The following DTNA variants were observed in gnomAD, a reference collection of about 807,000 sequenced individuals.
DTNA encodes the protein dystrophin-related protein 3.
DTNA carries 43 observed loss-of-function variants against 100.7 expected under a neutral mutation model. That is an observed-to-expected ratio of 0.43 (90% CI 0.33 to 0.55). The LOEUF (loss-of-function observed/expected upper bound fraction) is 0.55, where lower values mean the gene tolerates loss of function less well. Among genes scored for constraint, DTNA ranks in the 20% least tolerant of loss-of-function variants. The probability of loss-of-function intolerance (pLI) is 0.04; values close to 1 mark genes in which losing one functional copy is unlikely to be tolerated. For synonymous variants in DTNA, 349 were observed against 347.9 expected (o/e 1.00, Z -0.04); for missense variants, 798 against 953.9 (o/e 0.84, Z 2.15).
chr18:34,866,075 G>T (rs1322652020), intron 17 of DTNA: 2 of 1,611,356 alleles, frequency 1.2e-6, no homozygotes, highest in Middle Eastern at 1.7e-4. Flanking sequence ...TGGAACCCTG[G>T]GTAATCTAAC....
At chr18:34,843,540 A>T (rs1374936255) in intron 13 of DTNA, among the ~76,000 whole-genome samples, 3 of 152,094 alleles carry the variant, frequency 2.0e-5, no homozygotes, top group Non-Finnish European at 4.4e-5. Context: ...TGACTTGCAG[A>T]TGGACACCTT....
At chr18:34,875,132 G>C in intron 17 of DTNA, 107 bp from the exon 18 acceptor site, 1 of 1,503,108 alleles carries the variant, frequency 6.7e-7, no homozygotes, top group Non-Finnish European at 9.1e-7. Flanking sequence ...ATTTCCTCCT[G>C]CTTTGAAATT....
At chr18:34,610,612 C>T (rs1179765270) in intron 1 of DTNA, among the ~76,000 whole-genome samples, 1 of 152,160 alleles carries the variant, frequency 6.6e-6, no homozygotes, top group African/African-American at 2.4e-5. Flanking sequence ...ACATAAGTAA[C>T]AGTGCACACT....
At chr18:34,564,300 G>C (rs534381209) in intron 1 of DTNA, among the ~76,000 whole-genome samples, 2 of 152,050 alleles carry the variant, frequency 1.3e-5, no homozygotes, top group South Asian at 4.2e-4. Flanking sequence ...GCGCCACTAC[G>C]TCCAGCTACT....
intron 1 of DTNA, among the ~76,000 whole-genome samples, chr18:34,656,456 G>C (rs2074386153): frequency 6.6e-6 from 1 of 152,084 alleles, no homozygotes; most frequent in South Asian, 2.1e-4. Flanking sequence ...AGGGGAACAG[G>C]GTGCTAAAAA....
chr18:34,601,064 G>A (rs1229490249), intron 1 of DTNA, among the ~76,000 whole-genome samples: 1 of 152,154 alleles, frequency 6.6e-6, no homozygotes. Flanking sequence ...GAGGGTTTTT[G>A]GCTTTGCCTA....
At chr18:34,669,279 G>A (rs2076398789) in intron 1 of DTNA, among the ~76,000 whole-genome samples, 1 of 152,022 alleles carries the variant, frequency 6.6e-6, no homozygotes, top group African/African-American at 2.4e-5. Flanking sequence ...CATTTGCTTG[G>A]TAGATCTTCC....
intron 1 of DTNA, among the ~76,000 whole-genome samples, chr18:34,685,037 G>A (rs574737040): frequency 6.6e-6 from 1 of 152,136 alleles, no homozygotes; most frequent in Non-Finnish European, 1.5e-5. Context: ...GTAGATTCTG[G>A]ATATTAGCCC....
At chr18:34,816,777 G>T (rs966085974) in intron 7 of DTNA, among the ~76,000 whole-genome samples, 1 of 152,018 alleles carries the variant, frequency 6.6e-6, no homozygotes, top group Non-Finnish European at 1.5e-5. Flanking sequence ...CTCAACTTCT[G>T]TGTATTTCTT....
chr18:34,641,758 T>G (rs2059304368), intron 1 of DTNA, among the ~76,000 whole-genome samples: 1 of 152,204 alleles, frequency 6.6e-6, no homozygotes, highest in South Asian at 2.1e-4. Flanking sequence ...TTTATTTTAT[T>G]TTAATGTAAA....
intron 1 of DTNA, among the ~76,000 whole-genome samples, chr18:34,705,097 A>G (rs1474071342): frequency 6.6e-6 from 1 of 152,194 alleles, no homozygotes; most frequent in Non-Finnish European, 1.5e-5. Flanking sequence ...AGGCCATAAA[A>G]GAGCCATAAT....
At position 34,888,083 on chromosome 18, in the gene DTNA, AAC is replaced by A; in HGVS notation, c.*353_*354del. 14 of 985,906 alleles carry A rather than the reference AAC, an allele frequency of 1.4e-5. No individual in the cohort carries two copies. Among genetic ancestry groups the A allele is most frequent in the Non-Finnish European group, 1.7e-5 (14 of 829,944 alleles). The allele number at this position is 985,906 out of a possible 1,614,324, so 61.1% of individuals were successfully genotyped here. ...TTCATCCCTGGTTAAAAAGCAAACA[AAC>A]ACAGGCTGAAAACCCATGCTGCTGT... is the stretch of plus-strand genomic sequence containing the variant. On this transcript the variant is annotated 3_prime_UTR_variant, in exon 23 of 23. Coordinates refer to ENST00000444659, the MANE Select transcript of DTNA (RefSeq NM_001386795.1).
chr18:34,804,173 T>A (rs1054634112), intron 4 of DTNA, among the ~76,000 whole-genome samples: 2 of 151,836 alleles, frequency 1.3e-5, no homozygotes, highest in Non-Finnish European at 1.5e-5. Flanking sequence ...GACAAATGGA[T>A]GGGAGGGTTG....
In DTNA at chr18:34,664,814, A is replaced by G. The variant is rs1227474515; in HGVS notation, c.-1-91162A>G. Among the ~76,000 whole-genome samples, 3 of 152,154 alleles carry G rather than the reference A, an allele frequency of 2.0e-5. No individual in the cohort carries two copies. The East Asian group carries it at 5.8e-4, about 29-fold the overall frequency. On this transcript the variant is annotated intron_variant, in intron 1 of 19. Transcript: ENST00000283365. ...AGTTTTCATTTCTAATAGGGTAAAT[A>G]TTGATAGGTATAATAAACATAAACA...
In DTNA at chr18:34,821,837, G is replaced by T. The variant is rs924221396; in HGVS notation, c.1001+922G>T. On this transcript the variant is annotated intron_variant, in intron 9 of 22. Transcript: ENST00000444659. ...CGGTATAGGAATTCAACAATGCAAA[G>T]TTCATGCTTCAGGCAGTTCAGCATA... is the stretch of plus-strand genomic sequence containing the variant. Among the ~76,000 whole-genome samples the T allele has an allele frequency of 6.6e-5, 10 of 152,322 alleles. No individual in the cohort carries two copies. The East Asian group carries it at 1.9e-3, about 29-fold the overall frequency.
chr18:34,596,581 T>G (rs1335500475), intron 1 of DTNA, among the ~76,000 whole-genome samples: 1 of 152,180 alleles, frequency 6.6e-6, no homozygotes, highest in Non-Finnish European at 1.5e-5. Flanking sequence ...AAATATCTTA[T>G]TACATCGGGT....
intron 3 of DTNA, among the ~76,000 whole-genome samples, chr18:34,790,437 A>G (rs2094675715): frequency 7.6e-6 from 1 of 130,840 alleles, no homozygotes; most frequent in Non-Finnish European, 1.7e-5. Context: ...GATGAGATGT[A>G]GATGAGAAGT....
At chr18:34,792,100 T>C (rs942425819) in intron 3 of DTNA, among the ~76,000 whole-genome samples, 1 of 152,224 alleles carries the variant, frequency 6.6e-6, no homozygotes, top group Admixed American at 6.5e-5. Flanking sequence ...GTTGTTTTTT[T>C]TTTTTTAGTT....
At chr18:34,775,488 A>C (rs1319287769) in intron 3 of DTNA, among the ~76,000 whole-genome samples, 1 of 152,162 alleles carries the variant, frequency 6.6e-6, no homozygotes, top group Admixed American at 6.5e-5. Flanking sequence ...TCTCAAAAAA[A>C]AATAAAAATA....
Sources: allele counts gnomAD v4.1 joint callset (sites outside exome capture counted in the v4.1 genomes callset), GRCh38; gene constraint gnomAD v4.1.1; transcripts MANE v1.5; gene names NCBI Gene and HGNC (gene_info 2026-07-23, HGNC 2026-07-21).